The following RAB7A variants were observed in gnomAD, a reference collection of about 807,000 sequenced individuals.
RAB7A encodes RAB7A, member RAS oncogene family, also known as ras-related protein Rab-7a.
A neutral mutation model predicts 24.5 loss-of-function variants in RAB7A; 2 were observed. The observed-to-expected ratio is 0.08, with a 90% CI of 0.03 to 0.26. RAB7A has a LOEUF of 0.26. RAB7A is among the 10% of genes least tolerant of loss of function. The pLI is 1.00. For synonymous variants in RAB7A, 100 were observed against 95.9 expected (o/e 1.04, Z -0.25); for missense variants, 118 against 255.7 (o/e 0.46, Z 3.67).
At chr3:128,813,247 C>G in intron 5 of RAB7A, 80 bp from the exon 6 acceptor site, 1 of 1,333,276 alleles carries the variant, frequency 7.5e-7, no homozygotes, top group Non-Finnish European at 1.1e-6. Flanking sequence ...TGAGCCCCTC[C>G]TGGGCAGAAA....
intron 1 of RAB7A, among the ~76,000 whole-genome samples, chr3:128,757,727 A>G (rs1421604394): frequency 2.6e-5 from 4 of 152,140 alleles, no homozygotes; most frequent in Non-Finnish European, 5.9e-5. Context: ...CATGCTGGCC[A>G]GGCTGGTCTT....
At chr3:128,774,659 C>T (rs559466075) in intron 1 of RAB7A, among the ~76,000 whole-genome samples, 6 of 152,266 alleles carry the variant, frequency 3.9e-5, no homozygotes, top group South Asian at 2.1e-4. Context: ...CTGCAAGCTC[C>T]GCTCCCGGGT....
At chr3:128,782,403 C>G (rs993406253) in intron 1 of RAB7A, among the ~76,000 whole-genome samples, 2 of 152,154 alleles carry the variant, frequency 1.3e-5, no homozygotes, top group South Asian at 2.1e-4. Flanking sequence ...TGCTTGCTGT[C>G]TTCCTCCCTG....
chr3:128,809,934 G>GTTTTTTT (rs1231077081), intron 5 of RAB7A, among the ~76,000 whole-genome samples: 2 of 47,546 alleles, frequency 4.2e-5, no homozygotes, highest in African/African-American at 1.7e-4. Context: ...TCTTGCCACA[G>GTTTTTTT]TCTTTTTTTT....
intron 1 of RAB7A, among the ~76,000 whole-genome samples, chr3:128,757,863 TG>T (rs1286034664): frequency 6.6e-6 from 1 of 152,220 alleles, no homozygotes; most frequent in Non-Finnish European, 1.5e-5. Flanking sequence ...CTTGCTGTGT[TG>T]CCCAGGCTGG....
chr3:128,753,364 A>AG lies in RAB7A; in HGVS notation c.-9+27013dup, dbSNP rs201177418. Among the ~76,000 whole-genome samples the AG allele has an allele frequency of 3.4e-3, 500 of 148,734 alleles. 4 individuals are homozygous for AG. Among genetic ancestry groups the AG allele is most frequent in the African/African-American group, 0.01 (406 of 40,270 alleles). ...TGGTGGGGAAGCAGATAGAGGATGA[A>AG]GGGGGGGGAAAAAGAATGTAAATAT... On this transcript the variant is annotated intron_variant, in intron 1 of 5. Transcript: ENST00000265062.
At chr3:128,763,188 T>TTATATATATATATATATATA (rs765866649) in intron 1 of RAB7A, among the ~76,000 whole-genome samples, 5 of 82,114 alleles carry the variant, frequency 6.1e-5, no homozygotes, top group African/African-American at 2.4e-4. Context: ...TACATTTAGC[T>TTATATATATATATATATATA]TATATATATA....
chr3:128,792,409 T>G (rs1455254845), intron 1 of RAB7A, among the ~76,000 whole-genome samples: 1 of 151,570 alleles, frequency 6.6e-6, no homozygotes, highest in Non-Finnish European at 1.5e-5. Context: ...ATCTATTTTC[T>G]TTTTTTTTCC....
intron 2 of RAB7A, 150 bp downstream of exon 2, chr3:128,795,570 C>T (rs576811569): frequency 6.1e-5 from 46 of 752,302 alleles, no homozygotes; most frequent in Admixed American, 6.1e-5. Context: ...TTTAGATGAT[C>T]CCTTGTTATA....
chr3:128,745,058 TAG>T (rs2070597316), intron 1 of RAB7A, among the ~76,000 whole-genome samples: 1 of 152,018 alleles, frequency 6.6e-6, no homozygotes, highest in South Asian at 2.1e-4. Flanking sequence ...GTATTTTTAG[TAG>T]AGACAGGGTT....
chr3:128,804,887 G>A (rs1425517495), intron 3 of RAB7A, among the ~76,000 whole-genome samples: 1 of 152,200 alleles, frequency 6.6e-6, no homozygotes, highest in Admixed American at 6.5e-5. Flanking sequence ...CACTAAATCT[G>A]TTGGGCAGCA....
chr3:128,752,007 C>T (rs2070687082), intron 1 of RAB7A, among the ~76,000 whole-genome samples: 2 of 152,206 alleles, frequency 1.3e-5, no homozygotes, highest in Admixed American at 1.3e-4. Context: ...TTGCCCTCTG[C>T]CATGATTGTG....
chr3:128,773,952 T>A (rs62272588), intron 1 of RAB7A, among the ~76,000 whole-genome samples: 2 of 150,788 alleles, frequency 1.3e-5, no homozygotes, highest in South Asian at 2.1e-4. Flanking sequence ...GCGGAAGGCC[T>A]CAGGGTCCTC....
chr3:128,737,834 T>TG (rs2070507289), intron 1 of RAB7A, among the ~76,000 whole-genome samples: 2 of 74,278 alleles, frequency 2.7e-5, no homozygotes, highest in Admixed American at 1.2e-4. Flanking sequence ...AGTTTTTTTT[T>TG]TTTTTTTTTT....
At chr3:128,767,442 G>A (rs2070842864) in intron 1 of RAB7A, among the ~76,000 whole-genome samples, 1 of 152,236 alleles carries the variant, frequency 6.6e-6, no homozygotes. Context: ...TAGCAAAGCA[G>A]GCTGGAGTAG....
At chr3:128,758,286 T>C (rs973281376) in intron 1 of RAB7A, among the ~76,000 whole-genome samples, 6 of 150,738 alleles carry the variant, frequency 4.0e-5, no homozygotes, top group African/African-American at 1.5e-4. Context: ...TTTTTTTTTT[T>C]TTTTGAGACA....
chr3:128,737,070 C>T (rs1042293060), intron 1 of RAB7A, among the ~76,000 whole-genome samples: 2 of 152,122 alleles, frequency 1.3e-5, no homozygotes, highest in Admixed American at 1.3e-4. Context: ...TGAAGTCTCC[C>T]TCTGTCACCC....
chr3:128,735,492 T>C (rs1412848709), intron 1 of RAB7A, among the ~76,000 whole-genome samples: 1 of 152,200 alleles, frequency 6.6e-6, no homozygotes, highest in Non-Finnish European at 1.5e-5. Context: ...ACCCCAGTTA[T>C]GGGTGAGGAA....
chr3:128,741,792 G>C (rs1035350356), intron 1 of RAB7A, among the ~76,000 whole-genome samples: 4 of 152,060 alleles, frequency 2.6e-5, no homozygotes, highest in African/African-American at 9.7e-5. Flanking sequence ...ATACATACAC[G>C]CATACATATA....
Sources: allele counts gnomAD v4.1 joint callset (sites outside exome capture counted in the v4.1 genomes callset), GRCh38; gene constraint gnomAD v4.1.1; transcripts MANE v1.5; gene names NCBI Gene and HGNC (gene_info 2026-07-23, HGNC 2026-07-21).